Variants in STAG1 observed in about 807,000 individuals in gnomAD.
STAG1 encodes the protein cohesin subunit SA-1.
STAG1 carries 26 observed loss-of-function variants against 170.9 expected under a neutral mutation model. The ratio of observed to expected loss-of-function variants is 0.15; its 90% CI spans 0.11 to 0.21. STAG1 has a LOEUF of 0.21. STAG1 is among the 10% of genes least tolerant of loss of function. STAG1 has a pLI of 1.00. For missense variants in STAG1, 964 were observed against 1,509.5 expected, an observed-to-expected ratio of 0.64 and a Z score of 5.99; for synonymous variants, 514 against 497.7, an observed-to-expected ratio of 1.03 and a Z score of -0.44.
chr3:136,570,920 G>C (rs1199129171), intron 4 of STAG1, among the ~76,000 whole-genome samples: 1 of 152,216 alleles, frequency 6.6e-6, no homozygotes, highest in Non-Finnish European at 1.5e-5. Flanking sequence ...ATGGTGGTAA[G>C]AGAGGGTCAA....
At chr3:136,647,421 T>C (rs902556674) in intron 1 of STAG1, among the ~76,000 whole-genome samples, 6 of 151,860 alleles carry the variant, frequency 4.0e-5, no homozygotes, top group Admixed American at 3.9e-4. Flanking sequence ...AATACAAAAT[T>C]AGCCGGGCCT....
At chr3:136,596,347 T>C (rs1039172346) in intron 4 of STAG1, among the ~76,000 whole-genome samples, 1 of 152,224 alleles carries the variant, frequency 6.6e-6, no homozygotes, top group African/African-American at 2.4e-5. Context: ...AAAAAGATTA[T>C]GACTCACTGA....
At chr3:136,457,722 A>G (rs1165906129) in intron 13 of STAG1, among the ~76,000 whole-genome samples, 1 of 152,200 alleles carries the variant, frequency 6.6e-6, no homozygotes, top group Non-Finnish European at 1.5e-5. Flanking sequence ...GAAAACTGAA[A>G]AAAATTCAGA....
At chr3:136,560,280 T>C (rs560392246) in intron 5 of STAG1, among the ~76,000 whole-genome samples, 1 of 152,290 alleles carries the variant, frequency 6.6e-6, no homozygotes, top group African/African-American at 2.4e-5. Flanking sequence ...CAACAACCCT[T>C]ATTAAAAATA....
At chr3:136,665,886 T>C (rs561059878) in intron 1 of STAG1, among the ~76,000 whole-genome samples, 1 of 149,970 alleles carries the variant, frequency 6.7e-6, no homozygotes, top group South Asian at 2.1e-4. Flanking sequence ...CCATCCTGGC[T>C]AACACAGTGA....
intron 22 of STAG1, among the ~76,000 whole-genome samples, chr3:136,393,597 T>TTTTTTTTG: frequency 6.7e-6 from 1 of 149,946 alleles, no homozygotes; most frequent in African/African-American, 2.5e-5. Flanking sequence ...CATCTTTTTT[T>TTTTTTTTG]TTTTTTTTTT....
chr3:136,526,374 T>G (rs1246700710), intron 6 of STAG1, among the ~76,000 whole-genome samples: 1 of 152,336 alleles, frequency 6.6e-6, no homozygotes, highest in East Asian at 1.9e-4. Flanking sequence ...TCTTTCTATC[T>G]TTGTTGGTTT....
intron 3 of STAG1, among the ~76,000 whole-genome samples, chr3:136,611,382 C>T (rs1159742170): frequency 1.3e-5 from 2 of 152,204 alleles, no homozygotes; most frequent in Non-Finnish European, 2.9e-5. Context: ...CTCCCGACCT[C>T]AGGTGATCCG....
chr3:136,498,261 CA>C (rs1933253511), intron 9 of STAG1, among the ~76,000 whole-genome samples: 1 of 90,564 alleles, frequency 1.1e-5, no homozygotes, highest in Non-Finnish European at 2.1e-5. Context: ...CACACACACA[CA>C]CACACACACA....
chr3:136,552,059 C>T (rs1203316979), intron 5 of STAG1, among the ~76,000 whole-genome samples: 2 of 152,108 alleles, frequency 1.3e-5, no homozygotes, highest in East Asian at 3.9e-4. Context: ...ATCAGGATTA[C>T]TTGTGGTTTC....
intron 32 of STAG1, among the ~76,000 whole-genome samples, chr3:136,340,103 ACCT>A (rs1008322050): frequency 6.6e-6 from 1 of 152,098 alleles, no homozygotes; most frequent in African/African-American, 2.4e-5. Context: ...GATCAGTGTC[ACCT>A]CCTCCTCACC....
chr3:136,633,895 G>A (rs1316609239), intron 1 of STAG1, among the ~76,000 whole-genome samples: 8 of 143,040 alleles, frequency 5.6e-5, no homozygotes, highest in African/African-American at 7.5e-5. Context: ...AGGCTGAGGC[G>A]GGCGAATCAC....
chr3:136,496,172 C>A (rs923930766), intron 9 of STAG1, among the ~76,000 whole-genome samples: 1 of 151,460 alleles, frequency 6.6e-6, no homozygotes, highest in Non-Finnish European at 1.5e-5. Flanking sequence ...ACAAAAAAAC[C>A]CCCAAAAAAC....
At chr3:136,434,771 A>C (rs1347543601) in intron 15 of STAG1, among the ~76,000 whole-genome samples, 1 of 151,718 alleles carries the variant, frequency 6.6e-6, no homozygotes, top group Non-Finnish European at 1.5e-5. Flanking sequence ...TTTTCTTCTA[A>C]TTTATTTCAT....
intron 1 of STAG1, among the ~76,000 whole-genome samples, chr3:136,641,075 T>C (rs1325733574): frequency 1.3e-5 from 2 of 152,216 alleles, no homozygotes; most frequent in Non-Finnish European, 2.9e-5. Context: ...AATATGAAAC[T>C]GTAATGGATC....
In STAG1 at chr3:136,726,224, T is replaced by C. The variant is rs140512817; in HGVS notation, c.-84+25971A>G. ...GGTTTAGCAGCATCCCTGATCTCTATCCACTGATGCCAGTAGCATACACCA... is the reference window on the plus strand; with the variant it reads ...GGTTTAGCAGCATCCCTGATCTCTACCCACTGATGCCAGTAGCATACACCA... On this transcript the variant is annotated intron_variant, in intron 1 of 33. Coordinates refer to ENST00000383202, the MANE Select transcript of STAG1 (RefSeq NM_005862.3). 3.5e-4 allele frequency among the ~76,000 whole-genome samples: 53 copies of C among 152,320 alleles called. 1 individual carries two copies. Among genetic ancestry groups the C allele is most frequent in the Non-Finnish European group, 4.1e-4 (28 of 68,032 alleles).
intron 1 of STAG1, among the ~76,000 whole-genome samples, chr3:136,643,450 T>C (rs112311441): frequency 4.6e-5 from 7 of 152,316 alleles, no homozygotes; most frequent in African/African-American, 1.4e-4. Flanking sequence ...ACACTTCAGC[T>C]AAGACTTGAG....
intron 1 of STAG1, among the ~76,000 whole-genome samples, chr3:136,727,534 G>A (rs150748097): frequency 2.0e-5 from 3 of 152,298 alleles, no homozygotes; most frequent in Admixed American, 6.5e-5. Context: ...AGATACTTGA[G>A]AAATGACAGT....
chr3:136,672,970 T>C (rs779416929), intron 1 of STAG1, among the ~76,000 whole-genome samples: 42 of 152,204 alleles, frequency 2.8e-4, no homozygotes, highest in Admixed American at 9.8e-4. Flanking sequence ...AAAGCAAGAC[T>C]AGATGTTATC....
Sources: gnomAD v4.1 joint callset for allele counts (sites outside exome capture counted in the v4.1 genomes callset) on GRCh38, gnomAD v4.1.1 for gene constraint, MANE v1.5 for transcripts, NCBI Gene and HGNC (gene_info 2026-07-23, HGNC 2026-07-21) for gene names.